The following PARG variants were observed in gnomAD, a reference collection of about 807,000 sequenced individuals.
PARG encodes the protein mitochondrial poly(ADP-ribose) glycohydrolase.
In PARG, 35 loss-of-function variants were observed where a neutral mutation model predicts 113.0. The observed-to-expected ratio is 0.31, with a 90% CI of 0.24 to 0.41. PARG has a LOEUF of 0.41. Ranked by LOEUF, PARG falls within the 10% of genes least tolerant of loss-of-function variation. The pLI, the probability that PARG is intolerant of heterozygous loss-of-function variation, is 1.00. For synonymous variants in PARG, 330 were observed against 409.9 expected (o/e 0.81, Z 2.36); for missense variants, 797 against 1,169.4 (o/e 0.68, Z 4.64).
chr10:49,859,502 T>TA (rs1195074856), intron 12 of PARG, among the ~76,000 whole-genome samples: 1 of 151,516 alleles, frequency 6.6e-6, no homozygotes, highest in East Asian at 1.9e-4. Context: ...GGTAAAGAAA[T>TA]AAAATGGACT....
chr10:49,828,959 C>T lies in PARG; in HGVS notation c.2647+3844G>A, dbSNP rs11101239. ...AGCATGTTAAAAATATTTTGCCAGC[C>T]GGGCACGGTGGCTCATGCCTGTAAT... On this transcript the variant is annotated intron_variant, in intron 16 of 17. Transcript: ENST00000616448. 4.0e-3 allele frequency among the ~76,000 whole-genome samples: 615 copies of T among 152,284 alleles called. 4 individuals carry two copies. The highest frequency in any genetic ancestry group is 0.014 in the African/African-American group (597 of 41,536).
rs782185473 is a variant in PARG, at chr10:49,830,818, G to A, written c.2647+1985C>T. Among the ~76,000 whole-genome samples, 9 of 152,016 alleles carry A rather than the reference G, an allele frequency of 5.9e-5. No individual in the cohort carries two copies. The East Asian group carries it at 7.7e-4, about 13-fold the overall frequency. ...CTACAAGGATCAAAATGAAGTATAC[G>A]TATTCTTTGAGTCATTAATCTCACC... is the stretch of plus-strand genomic sequence containing the variant. On this transcript the variant is annotated intron_variant, in intron 16 of 17. Transcript: ENST00000616448.
At chr10:49,909,922 A>G (rs541669924) in intron 7 of PARG, 10 of 160,878 alleles carry the variant, frequency 6.2e-5, no homozygotes, top group Non-Finnish European at 1.4e-5. Flanking sequence ...AATCTGTGTG[A>G]CGCTGTACCC....
intron 6 of PARG, among the ~76,000 whole-genome samples, chr10:49,921,561 AG>A (rs1391416154): frequency 6.6e-6 from 1 of 152,024 alleles, no homozygotes; most frequent in Non-Finnish European, 1.5e-5. Context: ...AGAAAGGTAT[AG>A]AAAGTTTAAC....
At chr10:49,937,271 T>C (rs1382107719) in intron 1 of PARG, among the ~76,000 whole-genome samples, 1 of 152,102 alleles carries the variant, frequency 6.6e-6, no homozygotes, top group Non-Finnish European at 1.5e-5. Context: ...GGTCAGGAGA[T>C]TGAGACCATC....
chr10:49,921,545 A>G (rs2132892779), intron 6 of PARG, among the ~76,000 whole-genome samples: 1 of 152,178 alleles, frequency 6.6e-6, no homozygotes, highest in African/African-American at 2.4e-5. Flanking sequence ...AAAAAACAGG[A>G]GCTACAGAAA....
At chr10:49,934,804 A>C (rs1181695880) in intron 2 of PARG, among the ~76,000 whole-genome samples, 3 of 151,620 alleles carry the variant, frequency 2.0e-5, no homozygotes, top group African/African-American at 4.9e-5. Context: ...AGCCGAGATC[A>C]CGCCACTACA....
chr10:49,819,857 T>C (rs1336197086), intron 17 of PARG, among the ~76,000 whole-genome samples: 1 of 152,196 alleles, frequency 6.6e-6, no homozygotes, highest in African/African-American at 2.4e-5. Flanking sequence ...GCTTCTCAGA[T>C]CTGAACTTAC....
chr10:49,820,885 T>G (rs959859452), intron 16 of PARG, among the ~76,000 whole-genome samples: 2 of 152,096 alleles, frequency 1.3e-5, no homozygotes, highest in East Asian at 3.8e-4. Flanking sequence ...GGGACTAAGG[T>G]AGTATTTATA....
chr10:49,920,483 T>TAC (rs1448491357), intron 6 of PARG, among the ~76,000 whole-genome samples: 3 of 103,932 alleles, frequency 2.9e-5, no homozygotes, highest in Non-Finnish European at 6.4e-5. Context: ...TATATATATA[T>TAC]ATATATATAT....
intron 16 of PARG, among the ~76,000 whole-genome samples, chr10:49,826,053 G>A (rs1310934327): frequency 2.0e-5 from 3 of 152,126 alleles, no homozygotes; most frequent in Non-Finnish European, 4.4e-5. Flanking sequence ...AGCATCATGC[G>A]CTCAAAAACT....
intron 6 of PARG, among the ~76,000 whole-genome samples, chr10:49,920,650 G>A (rs550173278): frequency 9.7e-5 from 14 of 144,552 alleles, no homozygotes; most frequent in African/African-American, 2.6e-4. Flanking sequence ...ACACATATAC[G>A]TATATATATG....
chr10:49,847,966 G>T (rs1335089625), intron 13 of PARG, among the ~76,000 whole-genome samples: 1 of 150,792 alleles, frequency 6.6e-6, no homozygotes, highest in Non-Finnish European at 1.5e-5. Context: ...CAACTTTTCT[G>T]TGAATCTGAG....
chr10:49,826,770 A>C (rs1351914407), intron 16 of PARG, among the ~76,000 whole-genome samples: 1 of 152,220 alleles, frequency 6.6e-6, no homozygotes, highest in Non-Finnish European at 1.5e-5. Context: ...TGGTCAAATT[A>C]GAGTATTTTT....
intron 7 of PARG, among the ~76,000 whole-genome samples, chr10:49,892,685 T>C (rs1847866938): frequency 6.6e-6 from 1 of 152,266 alleles, no homozygotes; most frequent in Non-Finnish European, 1.5e-5. Context: ...TTTTGTCATG[T>C]TGTCATCAGT....
intron 15 of PARG, among the ~76,000 whole-genome samples, chr10:49,837,832 A>G (rs541531863): frequency 6.6e-6 from 1 of 152,322 alleles, no homozygotes; most frequent in African/African-American, 2.4e-5. Flanking sequence ...GTGCTTTCTC[A>G]AAGTTAGTCC....
chr10:49,886,824 TTAGAG>T (rs1847513270), intron 7 of PARG, among the ~76,000 whole-genome samples: 1 of 152,148 alleles, frequency 6.6e-6, no homozygotes, highest in Admixed American at 6.5e-5. Context: ...TAAAAAGACT[TTAGAG>T]TAGTCAAATG....
intron 15 of PARG, among the ~76,000 whole-genome samples, chr10:49,834,834 C>A (rs1372117911): frequency 6.6e-6 from 1 of 151,984 alleles, no homozygotes; most frequent in East Asian, 1.9e-4. Flanking sequence ...TGAACTCTAT[C>A]CCCCACCCCT....
At chr10:49,826,477 G>A (rs1844365662) in intron 16 of PARG, among the ~76,000 whole-genome samples, 1 of 152,180 alleles carries the variant, frequency 6.6e-6, no homozygotes, top group Admixed American at 6.5e-5. Context: ...TATCAGCACT[G>A]TCTAAATTCT....
Sources: allele counts gnomAD v4.1 joint callset (sites outside exome capture counted in the v4.1 genomes callset), GRCh38; gene constraint gnomAD v4.1.1; transcripts MANE v1.5; gene names NCBI Gene and HGNC (gene_info 2026-07-23, HGNC 2026-07-21).